SLCO5A1: variants seen among roughly 807,000 people sequenced by gnomAD.
SLCO5A1 encodes the protein organic anion transporter polypeptide-related protein 4.
In SLCO5A1, 39 loss-of-function variants were observed where a neutral mutation model predicts 65.1. That is an observed-to-expected ratio of 0.60 (90% CI 0.46 to 0.78). The LOEUF (loss-of-function observed/expected upper bound fraction) is 0.78, where lower values mean the gene tolerates loss of function less well. SLCO5A1 is among the 30% of genes least tolerant of loss of function. SLCO5A1 has a pLI of 0.00. For synonymous variants in SLCO5A1, 438 were observed against 415.7 expected, an observed-to-expected ratio of 1.05 and a Z score of -0.65; for missense variants, 1,029 against 1,069.4, an observed-to-expected ratio of 0.96 and a Z score of 0.53.
chr8:69,712,306 C>G (rs765629951), intron 5 of SLCO5A1, among the ~76,000 whole-genome samples: 2 of 152,146 alleles, frequency 1.3e-5, no homozygotes, highest in African/African-American at 4.8e-5. Flanking sequence ...CCACAACATT[C>G]GATTTTGACG....
intron 2 of SLCO5A1, among the ~76,000 whole-genome samples, chr8:69,811,723 T>G (rs775565985): frequency 2.0e-5 from 3 of 152,156 alleles, no homozygotes; most frequent in Non-Finnish European, 2.9e-5. Flanking sequence ...GAATTAAATT[T>G]TAAAAGTAAT....
intron 5 of SLCO5A1, among the ~76,000 whole-genome samples, chr8:69,725,885 A>G (rs1251760245): frequency 6.6e-6 from 1 of 152,036 alleles, no homozygotes; most frequent in Admixed American, 6.6e-5. Context: ...TCTCAACCTG[A>G]CTTCTATTCA....
chr8:69,684,422 A>G (rs1306271936), intron 6 of SLCO5A1, among the ~76,000 whole-genome samples: 1 of 152,200 alleles, frequency 6.6e-6, no homozygotes, highest in Non-Finnish European at 1.5e-5. Flanking sequence ...CAAATCCAGG[A>G]GAACCAAGAT....
intron 4 of SLCO5A1, among the ~76,000 whole-genome samples, chr8:69,746,039 G>T (rs1816993892): frequency 2.0e-5 from 3 of 152,086 alleles, no homozygotes; most frequent in Admixed American, 2.0e-4. Context: ...CAGCCAACAT[G>T]GATTCCTTCC....
At chr8:69,781,860 T>G (rs1818811622) in intron 2 of SLCO5A1, among the ~76,000 whole-genome samples, 1 of 152,112 alleles carries the variant, frequency 6.6e-6, no homozygotes, top group Admixed American at 6.6e-5. Context: ...TTTCTCCATG[T>G]TGGTCAGGCT....
At chr8:69,821,797 C>T (rs1184215287) in intron 2 of SLCO5A1, among the ~76,000 whole-genome samples, 1 of 126,248 alleles carries the variant, frequency 7.9e-6, no homozygotes, top group Non-Finnish European at 1.6e-5. Context: ...CAGAGTGAGA[C>T]TTTGTCTCAA....
chr8:69,673,953 T>C (rs1813443834), intron 9 of SLCO5A1, among the ~76,000 whole-genome samples: 1 of 152,238 alleles, frequency 6.6e-6, no homozygotes, highest in Non-Finnish European at 1.5e-5. Flanking sequence ...ACATCTGAGA[T>C]GAATAGTAGC....
chr8:69,716,594 T>C (rs1815551268), intron 5 of SLCO5A1, among the ~76,000 whole-genome samples: 1 of 152,236 alleles, frequency 6.6e-6, no homozygotes, highest in Non-Finnish European at 1.5e-5. Context: ...TCTTTCCATG[T>C]GCTTATTGTT....
At position 69,671,459 on chromosome 8, in the gene SLCO5A1, C is replaced by G. The variant is rs1032017766; in HGVS notation, c.*1410G>C. 1 of 152,226 alleles carries G rather than the reference C, an allele frequency of 6.6e-6. No homozygotes were observed. The highest frequency in any genetic ancestry group is 2.4e-5 in the African/African-American group (1 of 41,440). The allele number at this position is 152,226 out of a possible 1,614,324, so 9.4% of individuals were successfully genotyped here. Reference sequence around the variant, plus strand: ...CCCTTACACTCCCTGGCAGCCAGAACCCCTGAGCTAACTTGCTGTCAATCC... The same window carrying G: ...CCCTTACACTCCCTGGCAGCCAGAAGCCCTGAGCTAACTTGCTGTCAATCC... On this transcript the variant is annotated 3_prime_UTR_variant, in exon 10 of 10. Transcript: ENST00000260126.
intron 2 of SLCO5A1, among the ~76,000 whole-genome samples, chr8:69,776,242 T>G (rs1405541754): frequency 1.3e-5 from 2 of 152,314 alleles, no homozygotes; most frequent in East Asian, 3.9e-4. Flanking sequence ...ACAACATTAA[T>G]AATAAAGTGA....
At chr8:69,834,735 T>TACACAC (rs57972006) in intron 1 of SLCO5A1, 119 bp downstream of exon 1, 17,299 of 138,804 alleles carry the variant, frequency 0.12, 1,466 homozygotes, top group Non-Finnish European at 0.17. Context: ...ACGCACATCC[T>TACACAC]ACACACACAC....
intron 2 of SLCO5A1, among the ~76,000 whole-genome samples, chr8:69,825,941 A>G (rs1820876158): frequency 2.0e-5 from 3 of 152,196 alleles, no homozygotes; most frequent in African/African-American, 4.8e-5. Flanking sequence ...GATATAGATC[A>G]ATGGAACAGA....
At chr8:69,736,973 A>G (rs1325884905) in intron 5 of SLCO5A1, among the ~76,000 whole-genome samples, 1 of 152,230 alleles carries the variant, frequency 6.6e-6, no homozygotes, top group African/African-American at 2.4e-5. Flanking sequence ...TAATCTGGAA[A>G]TTTTACCTTA....
intron 5 of SLCO5A1, among the ~76,000 whole-genome samples, chr8:69,721,322 A>G (rs1166452798): frequency 6.6e-6 from 1 of 152,240 alleles, no homozygotes; most frequent in Non-Finnish European, 1.5e-5. Flanking sequence ...CTTTTGTTCA[A>G]GCCTCTGTTC....
At chr8:69,726,096 A>G (rs779641990) in intron 5 of SLCO5A1, among the ~76,000 whole-genome samples, 1 of 152,260 alleles carries the variant, frequency 6.6e-6, no homozygotes, top group Non-Finnish European at 1.5e-5. Flanking sequence ...GCGTGCACAC[A>G]TGTGCTTGGG....
At chr8:69,702,209 A>G (rs1814770398) in intron 6 of SLCO5A1, among the ~76,000 whole-genome samples, 1 of 152,240 alleles carries the variant, frequency 6.6e-6, no homozygotes, top group South Asian at 2.1e-4. Context: ...AGTGATGACT[A>G]ATGACAAGAG....
intron 2 of SLCO5A1, among the ~76,000 whole-genome samples, chr8:69,800,842 A>G (rs1053657463): frequency 4.6e-5 from 7 of 152,188 alleles, no homozygotes; most frequent in Admixed American, 3.9e-4. Flanking sequence ...CCTGGCAGTT[A>G]AGTGTTCCAG....
intron 4 of SLCO5A1, among the ~76,000 whole-genome samples, chr8:69,738,806 G>T (rs1816677603): frequency 6.6e-6 from 1 of 152,202 alleles, no homozygotes; most frequent in Admixed American, 6.5e-5. Context: ...AAAGAGGAAG[G>T]AGAGCTGAAA....
intron 2 of SLCO5A1, among the ~76,000 whole-genome samples, chr8:69,820,649 T>C (rs561611990): frequency 1.3e-5 from 2 of 151,924 alleles, no homozygotes; most frequent in African/African-American, 4.8e-5. Flanking sequence ...CTGGGCAACA[T>C]AATGAGACCA....
Sources: allele counts gnomAD v4.1 joint callset (sites outside exome capture counted in the v4.1 genomes callset), GRCh38; gene constraint gnomAD v4.1.1; transcripts MANE v1.5; gene names NCBI Gene and HGNC (gene_info 2026-07-23, HGNC 2026-07-21).